Variants in PIGF observed in about 807,000 individuals in gnomAD.
PIGF encodes the protein phosphatidylinositol glycan anchor biosynthesis class F.
Under a neutral mutation model 26.0 loss-of-function variants are expected in PIGF, and 23 were observed. The observed-to-expected ratio is 0.88, with a 90% CI of 0.64 to 1.25. PIGF has a LOEUF of 1.25. Ranked by LOEUF, PIGF falls within the 50% of genes most tolerant of loss-of-function variation. PIGF has a pLI of 0.00. For synonymous variants in PIGF, 93 were observed against 92.6 expected, an observed-to-expected ratio of 1.00 and a Z score of -0.03; for missense variants, 278 against 249.9, an observed-to-expected ratio of 1.11 and a Z score of -0.76.
chr2:46,585,219 T>G (rs987979342), intron 5 of PIGF, among the ~76,000 whole-genome samples: 1 of 152,198 alleles, frequency 6.6e-6, no homozygotes, highest in Non-Finnish European at 1.5e-5. Context: ...AAGACATTCA[T>G]GTAAAGGAAG....
chr2:46,604,764 A>G (rs1208420903), intron 4 of PIGF, among the ~76,000 whole-genome samples: 2 of 151,972 alleles, frequency 1.3e-5, no homozygotes, highest in Admixed American at 6.6e-5. Flanking sequence ...GGGCATGAAA[A>G]AGATAGAATG....
At chr2:46,607,181 C>T (rs189407567) in intron 4 of PIGF, among the ~76,000 whole-genome samples, 19 of 152,288 alleles carry the variant, frequency 1.2e-4, no homozygotes, top group Admixed American at 1.2e-3. Context: ...TCCCAGCTAC[C>T]TCAGTTTACT....
intron 1 of PIGF, 187 bp from the exon 2 acceptor site, chr2:46,615,372 C>T (rs1670583597): frequency 2.3e-6 from 1 of 440,952 alleles, no homozygotes. Context: ...CTTTGATTTT[C>T]TTAATATGGT....
At chr2:46,600,088 G>A (rs1670009565) in intron 4 of PIGF, among the ~76,000 whole-genome samples, 1 of 152,220 alleles carries the variant, frequency 6.6e-6, no homozygotes, top group Admixed American at 6.5e-5. Flanking sequence ...TTCTATAATT[G>A]AGACTTAAAA....
chr2:46,602,983 C>A (rs1670106973), intron 4 of PIGF, among the ~76,000 whole-genome samples: 2 of 151,878 alleles, frequency 1.3e-5, no homozygotes, highest in South Asian at 4.1e-4. Context: ...CTACCAAAAA[C>A]TATTAGAACT....
chr2:46,601,569 A>G (rs1490360628), intron 4 of PIGF, among the ~76,000 whole-genome samples: 1 of 152,110 alleles, frequency 6.6e-6, no homozygotes. Context: ...CCTAGTGGCT[A>G]AAGGTATTTT....
intron 4 of PIGF, among the ~76,000 whole-genome samples, chr2:46,601,540 G>C (rs1572777867): frequency 6.6e-6 from 1 of 151,996 alleles, no homozygotes; most frequent in East Asian, 1.9e-4. Flanking sequence ...ATCTAAAAAA[G>C]AGACACTGTA....
intron 1 of PIGF, chr2:46,615,865 G>A (rs1670601802): frequency 2.0e-5 from 3 of 151,692 alleles, no homozygotes; most frequent in African/African-American, 7.3e-5. Flanking sequence ...AGCACGAACG[G>A]AAGGAGGAAA....
In PIGF at chr2:46,588,310, AAAC is replaced by A. The variant is rs1669640124; in HGVS notation, c.546+4162_546+4164del. On this transcript the variant is annotated intron_variant, in intron 5 of 5. Transcript: ENST00000281382. The surrounding 1 kb of genome is among the most constrained non-coding windows in gnomAD (Gnocchi z 4.1). ...GAAAGACTGCTGGGCAGAAAAAATA[AAAC>A]AACAAACTGAGACAATTAACATATT... is the stretch of plus-strand genomic sequence containing the variant. 5 of 1,138,298 alleles carry A rather than the reference AAAC, an allele frequency of 4.4e-6. No homozygotes were observed. Among genetic ancestry groups the A allele is most frequent in the South Asian group, 3.4e-5 (2 of 58,434 alleles). The allele number at this position is 1,138,298 out of a possible 1,614,324, so 70.5% of individuals were successfully genotyped here.
intron 4 of PIGF, among the ~76,000 whole-genome samples, chr2:46,602,627 G>A (rs774404435): frequency 1.6e-4 from 25 of 151,736 alleles, no homozygotes; most frequent in Non-Finnish European, 3.4e-4. Flanking sequence ...TTAAAATACA[G>A]GATGAATGAT....
Position 46,590,659 on chromosome 2 carries a change from T to C in PIGF, c.546+1816A>G, listed in dbSNP as rs1435607643. On this transcript the variant is annotated intron_variant, in intron 5 of 5. Coordinates refer to ENST00000281382, the MANE Select transcript of PIGF (RefSeq NM_002643.4). Reference sequence around the variant, plus strand: ...CTACACAGTTTCAATTTTCTGTGTATACTTTTCAATGATTTTGATTGTCCT... The same window carrying C: ...CTACACAGTTTCAATTTTCTGTGTACACTTTTCAATGATTTTGATTGTCCT... 3.3e-5 allele frequency among the ~76,000 whole-genome samples: 5 copies of C among 152,220 alleles called. No homozygotes were observed. In the East Asian group the frequency reaches 9.6e-4, roughly 29 times the overall value.
intron 4 of PIGF, among the ~76,000 whole-genome samples, chr2:46,607,001 C>A (rs1454580758): frequency 6.6e-6 from 1 of 152,110 alleles, no homozygotes; most frequent in African/African-American, 2.4e-5. Context: ...AAAAGGCAGT[C>A]ACAAAAGATC....
Position 46,613,916 on chromosome 2 carries a change from A to G in PIGF, c.229-131T>C, listed in dbSNP as rs1037264693. The G allele has an allele frequency of 4.0e-6, 3 of 748,280 alleles. No homozygotes were observed. The African/African-American group carries it at 5.4e-5, about 14-fold the overall frequency. The allele number at this position is 748,280 out of a possible 1,614,324, so 46.4% of individuals were successfully genotyped here. A position where few individuals can be genotyped will look rare whatever the true frequency, so the allele number is the denominator to read the frequency against. Reference sequence around the variant, plus strand: ...GTTCAAATGTTCTTGGGTATACTCAAATCAGATCACATGTCCTGTACCGTC... The same window carrying G: ...GTTCAAATGTTCTTGGGTATACTCAGATCAGATCACATGTCCTGTACCGTC... On this transcript the variant is annotated intron_variant, in intron 2 of 5. Coordinates refer to ENST00000281382, the MANE Select transcript of PIGF (RefSeq NM_002643.4).
Position 46,589,846 on chromosome 2 carries a change from A to G in PIGF, c.546+2629T>C, listed in dbSNP as rs958890342. Reference sequence around the variant, plus strand: ...AAAAAATAACAATAACAAAAAAACAAACAACCTTGTTTGCTGGAAATAAAA... The same window carrying G: ...AAAAAATAACAATAACAAAAAAACAGACAACCTTGTTTGCTGGAAATAAAA... On this transcript the variant is annotated intron_variant, in intron 5 of 5. Transcript: ENST00000281382. This position sits in a 1 kb window ranked among gnomAD's most constrained non-coding sequence, Gnocchi z 4.7. Among the ~76,000 whole-genome samples, 1 of 152,038 alleles carries G rather than the reference A, an allele frequency of 6.6e-6. No individual in the cohort carries two copies. Among genetic ancestry groups the G allele is most frequent in the Non-Finnish European group, 1.5e-5 (1 of 67,908 alleles).
Position 46,591,746 on chromosome 2 carries a change from A to G in PIGF, c.546+729T>C, listed in dbSNP as rs1435645821. On this transcript the variant is annotated intron_variant, in intron 5 of 5. Coordinates refer to ENST00000281382, the MANE Select transcript of PIGF (RefSeq NM_002643.4). ...AGTTCAGTGACCTTGGGAATGTTAC[A>G]TACCCTCTAGGTGTCAGTTTCCTCA... The G allele has an allele frequency of 3.4e-6, 4 of 1,170,918 alleles. No individual in the cohort carries two copies. In the Admixed American group the frequency reaches 1.4e-4, roughly 41 times the overall value. The allele number at this position is 1,170,918 out of a possible 1,614,324, so 72.5% of individuals were successfully genotyped here. A position where few individuals can be genotyped will look rare whatever the true frequency, so the allele number is the denominator to read the frequency against.
At chr2:46,599,087 G>C (rs919414030) in intron 4 of PIGF, among the ~76,000 whole-genome samples, 1 of 152,190 alleles carries the variant, frequency 6.6e-6, no homozygotes, top group Admixed American at 6.5e-5. Context: ...CTAGGTGTAA[G>C]GTGGGAACTC....
rs1368379740 is a variant in PIGF at position 46,591,375 on chromosome 2, A to T, written c.546+1100T>A. ...GGTTTCCTCTGGGTGGTTGGGGAGG[A>T]AAGTAATTTTTACTTTCTTCCTTAG... On this transcript the variant is annotated intron_variant, in intron 5 of 5. Coordinates refer to ENST00000281382, the MANE Select transcript of PIGF (RefSeq NM_002643.4). 3 of 246,832 alleles carry T rather than the reference A, an allele frequency of 1.2e-5. No homozygotes were observed. The East Asian group carries it at 5.3e-4, about 44-fold the overall frequency. The allele number at this position is 246,832 out of a possible 1,614,324, so 15.3% of individuals were successfully genotyped here.
At chr2:46,610,477 G>C (rs1008083980) in intron 4 of PIGF, among the ~76,000 whole-genome samples, 2 of 149,804 alleles carry the variant, frequency 1.3e-5, no homozygotes, top group Non-Finnish European at 3.0e-5. Flanking sequence ...GTTTTCTAGA[G>C]ACTTTATGAA....
In PIGF at chr2:46,581,453, A is replaced by G; in HGVS notation, c.*25T>C. 6.2e-7 allele frequency: 1 copy of G among 1,605,646 alleles called. No homozygotes were observed. The highest frequency in any genetic ancestry group is 8.5e-7 in the Non-Finnish European group (1 of 1,176,368). On this transcript the variant is annotated 3_prime_UTR_variant, in exon 6 of 6. Transcript: ENST00000281382. ...TGCCCAGCCCTTACAGAATCTGCAC[A>G]AAGAAATATCTCCCTTTGCTCCAGT...
Sources: gnomAD v4.1 joint callset for allele counts (sites outside exome capture counted in the v4.1 genomes callset) on GRCh38, gnomAD v4.1.1 for gene constraint, Gnocchi (gnomAD v3.1) non-coding constraint, MANE v1.5 for transcripts, NCBI Gene and HGNC (gene_info 2026-07-23, HGNC 2026-07-21) for gene names.